Variants in REPS2 observed in about 807,000 individuals in gnomAD.
The protein encoded by REPS2 is ralBP1-associated Eps domain-containing protein 2.
In REPS2, 23 loss-of-function variants were observed where a neutral mutation model predicts 53.6. The observed-to-expected ratio is 0.43, with a 90% CI of 0.31 to 0.61. The LOEUF (loss-of-function observed/expected upper bound fraction) is 0.61. Among genes scored for constraint, REPS2 ranks in the 20% least tolerant of loss-of-function variants. The probability of loss-of-function intolerance (pLI) is 0.11; values close to 1 mark genes in which losing one functional copy is unlikely to be tolerated. For missense variants in REPS2, 446 were observed against 534.9 expected (o/e 0.83, Z 1.64); for synonymous variants, 238 against 218.6 (o/e 1.09, Z -0.78).
At chrX:17,161,516 A>G in the REPS2 span, among the ~76,000 whole-genome samples, 13 of 111,450 alleles carry the variant, frequency 1.2e-4, no homozygotes, top group East Asian at 8.5e-4. Flanking sequence ...CCTTAACCCT[A>G]TAGTCACAAG....
intron 13 of REPS2, among the ~76,000 whole-genome samples, chrX:17,098,105 C>G (rs2062732554): frequency 9.0e-6 from 1 of 111,225 alleles, no homozygotes; most frequent in African/African-American, 3.3e-5. Context: ...ACTTGCAGGT[C>G]TCACTCATGA....
chrX:17,135,218 A>C (rs2063349802), intron 15 of REPS2, 43 bp from the exon 16 acceptor site: 1 of 1,169,323 alleles, frequency 8.6e-7, no homozygotes, highest in African/African-American at 1.8e-5. Context: ...GGGAACATTG[A>C]AATGTTTAAC....
chrX:17,091,547 A>G (rs1446046090), intron 13 of REPS2, among the ~76,000 whole-genome samples: 1 of 111,874 alleles, frequency 8.9e-6, no homozygotes, highest in Non-Finnish European at 1.9e-5. Flanking sequence ...TGTCGTTAAT[A>G]TTTTCCTTGT....
rs938357119 is a variant in REPS2, at chrX:17,099,895, C to T, written c.1517-3823C>T. On this transcript the variant is annotated intron_variant, in intron 13 of 17. Coordinates refer to ENST00000357277, the MANE Select transcript of REPS2 (RefSeq NM_004726.3). ...TCCTTGGCAGGGACGAGGTCAGCCT[C>T]ATCAGAATTTTTCCCTTTCATCAGG... 1.5e-4 allele frequency: 135 copies of T among 882,838 alleles called. No individual in the cohort carries two copies. The African/African-American group carries it at 2.3e-3, about 15-fold the overall frequency. 72.8% of individuals were successfully genotyped at this position (882,838 alleles called of 1,213,427 possible). A position where few individuals can be genotyped will look rare whatever the true frequency, so the allele number is the denominator to read the frequency against.
At chrX:17,027,318 C>G (rs1331443493) in intron 4 of REPS2, among the ~76,000 whole-genome samples, 1 of 112,368 alleles carries the variant, frequency 8.9e-6, no homozygotes, top group Non-Finnish European at 1.9e-5. Context: ...TGACTGTACT[C>G]ATATGTGTTT....
intron 10 of REPS2, among the ~76,000 whole-genome samples, chrX:17,068,846 T>G (rs1254536755): frequency 8.9e-6 from 1 of 112,864 alleles, no homozygotes; most frequent in Non-Finnish European, 1.9e-5. Flanking sequence ...ACAGCTCTAA[T>G]CCATGAGGAA....
chrX:17,106,525 T>A (rs1308219723), intron 14 of REPS2, among the ~76,000 whole-genome samples: 1 of 108,995 alleles, frequency 9.2e-6, no homozygotes, highest in Non-Finnish European at 1.9e-5. Flanking sequence ...GCCATTCTCC[T>A]GTCTCAGCCT....
chrX:17,051,514 C>T (rs750365666), intron 6 of REPS2, among the ~76,000 whole-genome samples: 37 of 112,046 alleles, frequency 3.3e-4, no homozygotes, highest in Admixed American at 2.9e-3. Context: ...GTTGTATGTA[C>T]CAGAATTTCA....
chrX:16,968,489 T>C (rs1294288960), intron 1 of REPS2, among the ~76,000 whole-genome samples: 11 of 104,525 alleles, frequency 1.1e-4, no homozygotes, highest in South Asian at 4.2e-4. Flanking sequence ...CCCACCTCCC[T>C]CCCGGACGGG....
In REPS2 at chrX:17,149,540, A is replaced by G. The variant is rs1378194454; in HGVS notation, c.*2059A>G. On this transcript the variant is annotated 3_prime_UTR_variant, in exon 18 of 18. Transcript: ENST00000357277. Reference sequence around the variant, plus strand: ...AGGCTAGTCTCGAATTCCTGACCTCAAGTGATCCACCCGCCTTGGCCTCTC... The same window carrying G: ...AGGCTAGTCTCGAATTCCTGACCTCGAGTGATCCACCCGCCTTGGCCTCTC... 8.8e-6 allele frequency: 1 copy of G among 113,471 alleles called. No homozygotes were observed. Among genetic ancestry groups the G allele is most frequent in the African/African-American group, 3.2e-5 (1 of 30,886 alleles). 9.4% of individuals were successfully genotyped at this position (113,471 alleles called of 1,213,427 possible). A position where few individuals can be genotyped will look rare whatever the true frequency, so the allele number is the denominator to read the frequency against.
At chrX:17,171,524 A>T in the REPS2 span, among the ~76,000 whole-genome samples, 1 of 111,226 alleles carries the variant, frequency 9.0e-6, no homozygotes, top group Non-Finnish European at 1.9e-5. Context: ...ATATGCCATA[A>T]TTATAATTTT....
Position 17,022,229 on chromosome X carries a change from A to G in REPS2, c.504A>G (p.Thr168=), listed in dbSNP as rs140147908. 5.8e-6 allele frequency: 7 copies of G among 1,208,522 alleles called. No individual in the cohort carries two copies. In the African/African-American group the frequency reaches 1.2e-4, roughly 21 times the overall value. Reference sequence around the variant, plus strand: ...AGGTTCAGATTCCATATTTAACTACAGAAAAAAATTCCTTCAAAAGAATGG... The same window carrying G: ...AGGTTCAGATTCCATATTTAACTACGGAAAAAAATTCCTTCAAAAGAATGG... ...GTKVQIPYLT[T]EKNSFKRMDD... The change falls in exon 3 of 18, where the codon ACA becomes ACG. Residue 168 remains threonine (T), a synonymous_variant. Transcript: ENST00000357277.
downstream of REPS2, among the ~76,000 whole-genome samples, chrX:17,155,703 A>C (rs773435055): frequency 4.7e-4 from 53 of 112,366 alleles, no homozygotes; most frequent in African/African-American, 1.7e-3. Flanking sequence ...GAAGATTGTA[A>C]ACTAATGTTT....
chrX:17,094,373 G>T (rs949194278), intron 13 of REPS2, among the ~76,000 whole-genome samples: 4 of 111,985 alleles, frequency 3.6e-5, no homozygotes, highest in African/African-American at 1.3e-4. Context: ...ATGCCCTGCT[G>T]AAAACTTGTA....
At chrX:17,029,414 C>T (rs2061681909) in intron 4 of REPS2, 112 bp from the exon 5 acceptor site, 9 of 527,335 alleles carry the variant, frequency 1.7e-5, no homozygotes, top group South Asian at 5.7e-5. Flanking sequence ...TATGAGTATT[C>T]TGTTGCCAGT....
rs1426094673 is a variant in REPS2, at chrX:17,062,507, A to G, written c.1184A>G (p.Gln395Arg). ...TCTGAGTCACTGCCGGCAAATCAAC[A>G]ACCTCGTGACTTGAATCGGATGGAG... Reference protein sequence around the residue: ...SYSESLPANQQPRDLNRMEKT... With the variant: ...SYSESLPANQRPRDLNRMEKT... The change falls in exon 9 of 18, where the codon CAA becomes CGA. Residue 395 changes from glutamine to arginine, a missense_variant. Transcript: ENST00000357277. The G allele has an allele frequency of 4.2e-6, 5 of 1,202,362 alleles. No individual in the cohort carries two copies. The highest frequency in any genetic ancestry group is 2.3e-4 in the Middle Eastern group (1 of 4,347).
At chrX:17,028,008 C>A (rs1469752110) in intron 4 of REPS2, among the ~76,000 whole-genome samples, 1 of 110,968 alleles carries the variant, frequency 9.0e-6, no homozygotes, top group South Asian at 3.8e-4. Flanking sequence ...ATTTCCCACA[C>A]AAGTAGGAAG....
intron 6 of REPS2, 146 bp downstream of exon 6, chrX:17,047,628 A>G: frequency 4.0e-6 from 3 of 755,982 alleles, no homozygotes; most frequent in Non-Finnish European, 5.7e-6. Flanking sequence ...GATGTAAACC[A>G]TGCAGAAGAA....
At chrX:16,985,206 T>C (rs2061077087) in intron 1 of REPS2, among the ~76,000 whole-genome samples, 1 of 112,104 alleles carries the variant, frequency 8.9e-6, no homozygotes, top group Non-Finnish European at 1.9e-5. Flanking sequence ...TACTTTTGTT[T>C]ATTACACTTG....
Sources: gnomAD v4.1 joint callset for allele counts (sites outside exome capture counted in the v4.1 genomes callset) on GRCh38, gnomAD v4.1.1 for gene constraint, MANE v1.5 for transcripts, NCBI Gene and HGNC (gene_info 2026-07-23, HGNC 2026-07-21) for gene names.